Variants in HMCN2 observed in about 807,000 individuals in gnomAD.
HMCN2 encodes the protein hemicentin 2, also known as hemicentin-2.
A neutral mutation model predicts 377.5 loss-of-function variants in HMCN2; 325 were observed. The ratio of observed to expected loss-of-function variants is 0.86; its 90% CI spans 0.79 to 0.94. The LOEUF (loss-of-function observed/expected upper bound fraction) is 0.94, where lower values mean the gene tolerates loss of function less well. HMCN2 is among the 40% of genes least tolerant of loss of function. HMCN2 has a pLI of 0.00. For missense variants in HMCN2, 4,543 were observed against 4,725.3 expected, an observed-to-expected ratio of 0.96 and a Z score of 1.13; for synonymous variants, 2,007 against 2,046.8, an observed-to-expected ratio of 0.98 and a Z score of 0.53.
chr9:130,378,266 G>A (rs1299378052), intron 53 of HMCN2, among the ~76,000 whole-genome samples: 1 of 149,302 alleles, frequency 6.7e-6, no homozygotes, highest in Non-Finnish European at 1.5e-5. Flanking sequence ...AGGAAAGGAG[G>A]GAGCCGGGAG....
intron 22 of HMCN2, among the ~76,000 whole-genome samples, chr9:130,334,800 T>TTCTC (rs1489664480): frequency 7.0e-6 from 1 of 141,916 alleles, no homozygotes. Flanking sequence ...TCTCTCTCTC[T>TTCTC]TCTCTCTCTC....
intron 36 of HMCN2, among the ~76,000 whole-genome samples, chr9:130,358,917 G>T (rs181046008): frequency 6.6e-6 from 1 of 152,156 alleles, no homozygotes; most frequent in African/African-American, 2.4e-5. Context: ...CTCGTGATCC[G>T]CCCGCCTCGG....
intron 15 of HMCN2, among the ~76,000 whole-genome samples, chr9:130,314,686 CA>C (rs1837441811): frequency 6.6e-6 from 1 of 152,202 alleles, no homozygotes; most frequent in Admixed American, 6.5e-5. Context: ...AACTGAGTCT[CA>C]GGGGGCTCTT....
At chr9:130,344,512 T>C (rs1010894837) in intron 25 of HMCN2, among the ~76,000 whole-genome samples, 1 of 151,046 alleles carries the variant, frequency 6.6e-6, no homozygotes, top group Non-Finnish European at 1.5e-5. Flanking sequence ...ATGTATGTGG[T>C]GTGTGTGGTG....
chr9:130,399,480 A>G, intron 75 of HMCN2, 31 bp from the exon 76 acceptor site: 1 of 1,255,256 alleles, frequency 8.0e-7, no homozygotes. Flanking sequence ...TCAGCCCAGC[A>G]GCCACTTGGC....
rs1197242012 is a variant in HMCN2 at position 130,312,505 on chromosome 9, G to GTCTC, written c.2350+2446_2350+2447insTCTC. 1.5e-3 allele frequency among the ~76,000 whole-genome samples: 9 copies of GTCTC among 6,026 alleles called. 1 individual carries two copies. The highest frequency in any genetic ancestry group is 2.6e-3 in the African/African-American group (9 of 3,498). The allele number at this position is 6,026 out of a possible 152,430, so 4.0% of individuals were successfully genotyped here. ...TCTTTCTCTCTCTCTCTTTCTTTCT[G>GTCTC]TCCCTCCCTCCCTCCCTCCCTCCCT... On this transcript the variant is annotated intron_variant, in intron 15 of 97. Transcript: ENST00000683500.
rs868282895 is a variant in HMCN2 at position 130,349,228 on chromosome 9, G to A, written c.4303+97G>A. The stretch of plus-strand genomic sequence containing the variant: ...GGGGGAGAGGGTAGACTTTGCCTGC[G>A]GAGAGCAGGGGGCACAGAGGGACCC... On this transcript the variant is annotated intron_variant, in intron 28 of 97. Transcript: ENST00000683500. The A allele has an allele frequency of 5.2e-5, 61 of 1,175,012 alleles. No individual in the cohort carries two copies. In the Middle Eastern group the frequency reaches 5.9e-3, roughly 113 times the overall value. 72.8% of individuals were successfully genotyped at this position (1,175,012 alleles called of 1,614,324 possible). A position where few individuals can be genotyped will look rare whatever the true frequency, so the allele number is the denominator to read the frequency against.
intron 36 of HMCN2, 51 bp downstream of exon 36, chr9:130,358,537 C>T (rs1011323605): frequency 2.3e-6 from 3 of 1,301,078 alleles, no homozygotes; most frequent in African/African-American, 3.0e-5. Context: ...TGGGTGATCC[C>T]TTGGGGACCC....
rs1008610649 is a variant in HMCN2 at position 130,351,311 on chromosome 9, C to T, written c.4431-112C>T. ...CCTTTGCATTGCTCCCACCTCTTGG[C>T]GCTAATGAATGGCCCAGCCTCGCTT... On this transcript the variant is annotated intron_variant, in intron 29 of 97. Coordinates refer to ENST00000683500, the MANE Select transcript of HMCN2 (RefSeq NM_001291815.2). This position sits in a 1 kb window ranked among gnomAD's most constrained non-coding sequence, Gnocchi z 5.4. The T allele has an allele frequency of 2.3e-5, 18 of 781,986 alleles. No individual in the cohort carries two copies. Among genetic ancestry groups the T allele is most frequent in the East Asian group, 7.5e-5 (1 of 13,346 alleles). The allele number at this position is 781,986 out of a possible 1,614,324, so 48.4% of individuals were successfully genotyped here. A position where few individuals can be genotyped will look rare whatever the true frequency, so the allele number is the denominator to read the frequency against.
At chr9:130,335,045 A>G (rs1838670495) in intron 22 of HMCN2, among the ~76,000 whole-genome samples, 2 of 152,114 alleles carry the variant, frequency 1.3e-5, no homozygotes, top group African/African-American at 4.8e-5. Context: ...TGTGTTACCC[A>G]GACTGTGTGC....
intron 19 of HMCN2, among the ~76,000 whole-genome samples, chr9:130,322,965 G>A (rs1837932319): frequency 6.6e-6 from 1 of 152,230 alleles, no homozygotes; most frequent in Non-Finnish European, 1.5e-5. Flanking sequence ...TTATAGGGGA[G>A]TGCAAAGTTC....
At chr9:130,356,280 G>T in intron 34 of HMCN2, 23 bp downstream of exon 34, 2 of 1,279,072 alleles carry the variant, frequency 1.6e-6, no homozygotes. Flanking sequence ...CTGGGGTTCT[G>T]GAGCTGTGGG....
intron 82 of HMCN2, 55 bp from the exon 83 acceptor site, chr9:130,407,516 G>A (rs1843161012): frequency 1.4e-5 from 18 of 1,268,632 alleles, no homozygotes; most frequent in Non-Finnish European, 1.8e-5. Flanking sequence ...CCAGGCACCA[G>A]GGAAGTGTTT....
At chr9:130,371,217 A>G (rs1841001671) in intron 46 of HMCN2, 86 bp downstream of exon 46, 1 of 776,116 alleles carries the variant, frequency 1.3e-6, no homozygotes, top group South Asian at 5.8e-5. Context: ...ATGACCTCTG[A>G]CTCTGAGCTG....
chr9:130,373,105 T>G lies in HMCN2; in HGVS notation c.7419T>G (p.His2473Gln), dbSNP rs986199137. ...VIKVLDGQTA[H>Q]LMCNVTGHPQ... ...AGGTCCTTGATGGACAGACTGCCCA[T>G]CTTATGTGCAACGTCACAGGTAAGG... The change falls in exon 48 of 98, where the codon CAT (histidine) becomes CAG (glutamine). Residue 2473 changes from histidine (H) to glutamine (Q), a missense_variant. This residue lies in a region of HMCN2 where 1,032 missense variants were observed against 1,285.1 expected (regional missense o/e 0.80). Transcript: ENST00000683500. The G allele has an allele frequency of 1.5e-5, 15 of 980,206 alleles. No individual in the cohort carries two copies. In the African/African-American group the frequency reaches 2.5e-4, roughly 16 times the overall value. 60.7% of individuals were successfully genotyped at this position (980,206 alleles called of 1,614,324 possible). A position where few individuals can be genotyped will look rare whatever the true frequency, so the allele number is the denominator to read the frequency against.
At chr9:130,432,285 AT>A in intron 96 of HMCN2, 143 bp from the exon 97 acceptor site, 1 of 736,384 alleles carries the variant, frequency 1.4e-6, no homozygotes, top group Non-Finnish European at 2.3e-6. Context: ...CTGGGTGGTC[AT>A]GGGTCAGACT....
Position 130,354,789 on chromosome 9 carries a change from G to C in HMCN2, c.4891G>C (p.Gly1631Arg). The C allele has an allele frequency of 7.7e-7, 1 of 1,303,608 alleles. No individual in the cohort carries two copies. The highest frequency in any genetic ancestry group is 1.2e-5 in the South Asian group (1 of 80,982). 80.8% of individuals were successfully genotyped at this position (1,303,608 alleles called of 1,614,324 possible). A position where few individuals can be genotyped will look rare whatever the true frequency, so the allele number is the denominator to read the frequency against. ...CCCACCTACCATCGAGGGCGCCGGT[G>C]GAAGACCATACGTGGTGAAGGCTGT... ...YVPPTIEGAG[G>R]RPYVVKAVAG... Residue 1631 changes from glycine (G) to arginine (R), a missense_variant, in exon 32 of 98, where the codon GGA becomes CGA. Gly to Arg is a moderately radical substitution (Grantham distance 125, BLOSUM62 -2). Transcript: ENST00000683500.
At position 130,403,243 on chromosome 9, in the gene HMCN2, G is replaced by C; in HGVS notation, c.11928G>C (p.Glu3976Asp). Residue 3976 changes from glutamate to aspartate, a missense_variant, in exon 79 of 98, where the codon GAG becomes GAC. This residue lies in a region of HMCN2 where 1,073 missense variants were observed against 1,319.5 expected (regional missense o/e 0.81). Transcript: ENST00000683500. ...CCAGCGTGGTTCGGGCAGTGGCAGA[G>C]GAGGAGGTGCTGCTGCCCTGCGAGG... The part of the protein sequence containing the change: ...PLPSVVRAVA[E>D]EEVLLPCEAS... 1.6e-6 allele frequency: 2 copies of C among 1,289,812 alleles called. No individual in the cohort carries two copies. The highest frequency in any genetic ancestry group is 2.0e-6 in the Non-Finnish European group (2 of 988,856). The allele number at this position is 1,289,812 out of a possible 1,614,324, so 79.9% of individuals were successfully genotyped here.
chr9:130,279,518 A>G (rs538203211), intron 1 of HMCN2, among the ~76,000 whole-genome samples: 143 of 151,996 alleles, frequency 9.4e-4, no homozygotes, highest in Non-Finnish European at 1.7e-3. Context: ...ACGCCCAGCT[A>G]AGTTTTGTGT....
Sources: allele counts gnomAD v4.1 joint callset (sites outside exome capture counted in the v4.1 genomes callset), GRCh38; gene constraint gnomAD v4.1.1; regional missense constraint gnomAD v4.1.1; non-coding constraint Gnocchi (gnomAD v3.1); transcripts MANE v1.5; gene names NCBI Gene and HGNC (gene_info 2026-07-23, HGNC 2026-07-21).